Variants in DHRS7B observed in about 807,000 individuals in gnomAD.
DHRS7B encodes peroxisomal reductase activating PPAR-gamma.
Under a neutral mutation model 26.4 loss-of-function variants are expected in DHRS7B, and 24 were observed. The ratio of observed to expected loss-of-function variants is 0.91; its 90% confidence interval spans 0.66 to 1.28. DHRS7B has a LOEUF of 1.28. Among genes scored for constraint, DHRS7B ranks in the 50% most tolerant of loss-of-function variants. DHRS7B has a pLI of 0.00. For missense variants in DHRS7B, 368 were observed against 419.4 expected (o/e 0.88, Z 1.07); for synonymous variants, 142 against 166.4 (o/e 0.85, Z 1.13).
At chr17:21,172,277 C>G (rs1235699882) in intron 2 of DHRS7B, 81 bp downstream of exon 2, 2 of 1,511,216 alleles carry the variant, frequency 1.3e-6, no homozygotes, top group South Asian at 2.4e-5. Flanking sequence ...ACAGGGACCA[C>G]CAGCGCAAAT....
intron 5 of DHRS7B, 60 bp from the exon 6 acceptor site, chr17:21,188,651 G>C: frequency 1.3e-6 from 2 of 1,504,742 alleles, no homozygotes; most frequent in Non-Finnish European, 1.8e-6. Context: ...GAATAGTTGG[G>C]CACCAGGCCA....
chr17:21,191,247 G>T lies in DHRS7B; in HGVS notation c.*94G>T, dbSNP rs772573432. The T allele has an allele frequency of 4.7e-5, 62 of 1,307,366 alleles. No homozygotes were observed. Among genetic ancestry groups the T allele is most frequent in the African/African-American group, 8.8e-5 (6 of 67,998 alleles). The allele number at this position is 1,307,366 out of a possible 1,614,324, so 81.0% of individuals were successfully genotyped here. On this transcript the variant is annotated 3_prime_UTR_variant, in exon 7 of 7. Transcript: ENST00000395511. ...TTGCATTTGTTGAGACTTTAATGGA[G>T]ATTTGTCTCACAAGTGGGAAAGACT...
intron 6 of DHRS7B, among the ~76,000 whole-genome samples, chr17:21,189,946 T>C (rs1974739216): frequency 6.6e-6 from 1 of 152,102 alleles, no homozygotes; most frequent in African/African-American, 2.4e-5. Context: ...GTCAGGAGGA[T>C]CACTTCAGCC....
chr17:21,172,565 TA>T (rs1384416195), intron 2 of DHRS7B: 1 of 323,686 alleles, frequency 3.1e-6, no homozygotes, highest in Non-Finnish European at 5.9e-6. Flanking sequence ...ACAGCTAACT[TA>T]AAACGTGTTT....
intron 1 of DHRS7B, among the ~76,000 whole-genome samples, chr17:21,164,029 G>GTTTTTTTTTTTTTTTTTTTTTTT (rs1476090515): frequency 2.3e-5 from 1 of 43,816 alleles, no homozygotes; most frequent in African/African-American, 1.0e-4. Flanking sequence ...CAATTGTTGT[G>GTTTTTTTTTTTTTTTTTTTTTTT]CTTTTTTTTT....
At chr17:21,190,011 T>TA (rs1974740240) in intron 6 of DHRS7B, among the ~76,000 whole-genome samples, 3 of 151,964 alleles carry the variant, frequency 2.0e-5, no homozygotes, top group Admixed American at 2.0e-4. Context: ...CCACAAAAAA[T>TA]ACGAAAATTA....
chr17:21,170,458 G>C (rs1182825009), intron 1 of DHRS7B, among the ~76,000 whole-genome samples: 2 of 152,210 alleles, frequency 1.3e-5, no homozygotes, highest in African/African-American at 4.8e-5. Flanking sequence ...TTAATCCCCA[G>C]TTCATACAAT....
chr17:21,143,494 G>T (rs1973572094), intron 1 of DHRS7B, among the ~76,000 whole-genome samples: 1 of 152,198 alleles, frequency 6.6e-6, no homozygotes, highest in South Asian at 2.1e-4. Flanking sequence ...CTTCAGATTT[G>T]TGAAGTTGGC....
chr17:21,140,080 G>A (rs532428935), intron 1 of DHRS7B, among the ~76,000 whole-genome samples: 1,651 of 136,258 alleles, frequency 0.012, 14 homozygotes, highest in Non-Finnish European at 0.018. Flanking sequence ...GCTGGAGTGC[G>A]GTGGCGTGAT....
At chr17:21,138,697 T>C (rs1411196303) in intron 1 of DHRS7B, among the ~76,000 whole-genome samples, 1 of 152,200 alleles carries the variant, frequency 6.6e-6, no homozygotes, top group Non-Finnish European at 1.5e-5. Context: ...TTTTACCTTG[T>C]TTTATATGTA....
Position 21,172,080 on chromosome 17 carries a change from T to C in DHRS7B, c.83T>C (p.Leu28Pro), listed in dbSNP as rs894062183. Residue 28 changes from leucine (L) to proline (P), a missense_variant, in exon 2 of 7, where the codon CTG becomes CCG. Coordinates refer to ENST00000395511, the MANE Select transcript of DHRS7B (RefSeq NM_015510.5). The stretch of plus-strand genomic sequence containing the variant: ...ACCTCCACAGCCATCCTGCCCCTGC[T>C]GTTCGGCTGCCTGGGCGTCTTCGGC... The part of the protein sequence containing the change: ...FITSTAILPL[L>P]FGCLGVFGLF... The C allele has an allele frequency of 6.2e-7, 1 of 1,614,238 alleles. No homozygotes were observed. Among genetic ancestry groups the C allele is most frequent in the African/African-American group, 1.3e-5 (1 of 75,054 alleles).
chr17:21,180,051 G>GCCA (rs1192519257), intron 3 of DHRS7B, among the ~76,000 whole-genome samples: 4 of 149,702 alleles, frequency 2.7e-5, no homozygotes, highest in African/African-American at 1.0e-4. Flanking sequence ...ACAGGCATGA[G>GCCA]CCACCATGCC....
intron 1 of DHRS7B, among the ~76,000 whole-genome samples, chr17:21,143,704 A>G (rs1413838884): frequency 6.6e-6 from 1 of 152,222 alleles, no homozygotes; most frequent in African/African-American, 2.4e-5. Context: ...AGTGGTTCTC[A>G]TATACCTGTG....
intron 1 of DHRS7B, among the ~76,000 whole-genome samples, chr17:21,139,197 T>C (rs1973434371): frequency 1.3e-5 from 2 of 152,194 alleles, no homozygotes; most frequent in African/African-American, 4.8e-5. Context: ...CCTAAAGCCA[T>C]GAGGTTAGAA....
intron 1 of DHRS7B, among the ~76,000 whole-genome samples, chr17:21,142,692 C>A (rs974902599): frequency 7.2e-5 from 11 of 151,894 alleles, no homozygotes; most frequent in South Asian, 2.1e-4. Context: ...ACCCCCCTCC[C>A]CCGCCCCGCC....
At position 21,132,336 on chromosome 17, in the gene DHRS7B, T is replaced by TAA. The variant is rs56350315; in HGVS notation, c.20+5357_20+5358dup. ...GGCAACATAGGGAGACCCCATCTCT[T>TAA]AAAAAAAAAAAAATATATATATATA... On this transcript the variant is annotated intron_variant, in intron 1 of 6. Coordinates refer to ENST00000395511, the MANE Select transcript of DHRS7B (RefSeq NM_015510.5). Among the ~76,000 whole-genome samples, 522 of 133,850 alleles carry TAA rather than the reference T, an allele frequency of 3.9e-3. 3 individuals carry two copies. The highest frequency in any genetic ancestry group is 0.014 in the African/African-American group (466 of 34,342). The allele number at this position is 133,850 out of a possible 152,430, so 87.8% of individuals were successfully genotyped here.
chr17:21,143,817 G>A (rs1240775118), intron 1 of DHRS7B, among the ~76,000 whole-genome samples: 1 of 152,222 alleles, frequency 6.6e-6, no homozygotes, highest in Non-Finnish European at 1.5e-5. Context: ...TGAAATCCCA[G>A]TTACTGAAAA....
chr17:21,134,937 G>A (rs1293487023), intron 1 of DHRS7B, among the ~76,000 whole-genome samples: 3 of 152,158 alleles, frequency 2.0e-5, no homozygotes, highest in African/African-American at 7.2e-5. Flanking sequence ...CTCTCCGTGA[G>A]TCCTGGAAGT....
chr17:21,151,011 C>T (rs1478410932), intron 1 of DHRS7B, among the ~76,000 whole-genome samples: 1 of 152,182 alleles, frequency 6.6e-6, no homozygotes, highest in East Asian at 1.9e-4. Context: ...CCAAGTAGGA[C>T]AGACACAAAG....
Sources: gnomAD v4.1 joint callset for allele counts (sites outside exome capture counted in the v4.1 genomes callset) on GRCh38, gnomAD v4.1.1 for gene constraint, MANE v1.5 for transcripts, NCBI Gene and HGNC (gene_info 2026-07-23, HGNC 2026-07-21) for gene names.